MFHAS1: variants seen among roughly 807,000 people sequenced by gnomAD.
The protein encoded by MFHAS1 is malignant fibrous histiocytoma-amplified sequence 1.
Under a neutral mutation model 70.4 loss-of-function variants are expected in MFHAS1, and 50 were observed. The observed-to-expected ratio is 0.71, with a 90% CI of 0.57 to 0.90. The LOEUF is 0.90. MFHAS1 is among the 40% of genes least tolerant of loss of function. The probability of loss-of-function intolerance (pLI) is 0.00; values close to 1 mark genes in which losing one functional copy is unlikely to be tolerated. For synonymous variants in MFHAS1, 952 were observed against 620.0 expected (o/e 1.54, Z -7.96); for missense variants, 1,795 against 1,347.6 (o/e 1.33, Z -5.20).
In MFHAS1 at chr8:8,888,021, T is replaced by C. The variant is rs2116943496; in HGVS notation, c.2998+2040A>G. Among the ~76,000 whole-genome samples, 3 of 152,360 alleles carry C rather than the reference T, an allele frequency of 2.0e-5. No homozygotes were observed. In the South Asian group the frequency reaches 6.2e-4, roughly 32 times the overall value. ...GCTTCAGGTTGCTCCTTCAGTAAAC[T>C]ACCCTGTAAATGCGTAACTCCCAGT... On this transcript the variant is annotated intron_variant, in intron 1 of 2. Transcript: ENST00000276282.
intron 1 of MFHAS1, among the ~76,000 whole-genome samples, chr8:8,889,379 T>G (rs951424013): frequency 3.3e-4 from 50 of 152,378 alleles, no homozygotes; most frequent in African/African-American, 1.2e-3. Flanking sequence ...CTGAAATTTC[T>G]GTCTTTACTC....
chr8:8,828,311 T>G (rs1035533294), intron 1 of MFHAS1, among the ~76,000 whole-genome samples: 1 of 152,224 alleles, frequency 6.6e-6, no homozygotes, highest in Admixed American at 6.5e-5. Context: ...TAGTTTGAAC[T>G]TACACTTAGG....
At chr8:8,874,644 TAA>T (rs1462056240) in intron 1 of MFHAS1, among the ~76,000 whole-genome samples, 1 of 152,128 alleles carries the variant, frequency 6.6e-6, no homozygotes, top group Non-Finnish European at 1.5e-5. Context: ...TATTTTCAGT[TAA>T]AGTTATAAGG....
chr8:8,807,729 A>G (rs1806379588), intron 1 of MFHAS1, among the ~76,000 whole-genome samples: 1 of 152,214 alleles, frequency 6.6e-6, no homozygotes, highest in Non-Finnish European at 1.5e-5. Flanking sequence ...AATTCAAGGA[A>G]GTAAATTAAT....
At chr8:8,814,051 C>T (rs2117289015) in intron 1 of MFHAS1, among the ~76,000 whole-genome samples, 1 of 151,300 alleles carries the variant, frequency 6.6e-6, no homozygotes, top group South Asian at 2.1e-4. Flanking sequence ...GATTCTTGTT[C>T]CCCAGCCTCC....
chr8:8,854,684 CA>C (rs34792841), intron 1 of MFHAS1, among the ~76,000 whole-genome samples: 34,343 of 139,728 alleles, frequency 0.25, 4,282 homozygotes, highest in African/African-American at 0.37. Flanking sequence ...GACTTTGTCT[CA>C]AAAAAAAAAA....
chr8:8,802,872 A>C (rs1195435452), intron 1 of MFHAS1, among the ~76,000 whole-genome samples: 1 of 152,196 alleles, frequency 6.6e-6, no homozygotes, highest in Non-Finnish European at 1.5e-5. Context: ...CGGGATGCTG[A>C]ATTCATGGGG....
At chr8:8,826,275 T>TGTGTGTCG (rs1289247676) in intron 1 of MFHAS1, among the ~76,000 whole-genome samples, 1 of 151,586 alleles carries the variant, frequency 6.6e-6, no homozygotes, top group African/African-American at 2.4e-5. Flanking sequence ...TGTGTGTGTG[T>TGTGTGTCG]GTCGCACACT....
At chr8:8,839,781 G>C (rs759004503) in intron 1 of MFHAS1, among the ~76,000 whole-genome samples, 11 of 152,092 alleles carry the variant, frequency 7.2e-5, no homozygotes, top group Admixed American at 5.9e-4. Flanking sequence ...AGCCCAAAGA[G>C]TAACGGTCAC....
rs189823743 is a variant in MFHAS1, at chr8:8,815,029, C to A, written c.2999-17538G>T. On this transcript the variant is annotated intron_variant, in intron 1 of 2. Transcript: ENST00000276282. ...ATGCCCTCCCTTTCTCACCGCCCCC[C>A]ACACAGGCCCCAGTGTGTGTTGTTT... Among the ~76,000 whole-genome samples, 561 of 152,148 alleles carry A rather than the reference C, an allele frequency of 3.7e-3. 3 individuals carry two copies. The highest frequency in any genetic ancestry group is 0.013 in the African/African-American group (534 of 41,496).
intron 1 of MFHAS1, among the ~76,000 whole-genome samples, chr8:8,889,068 C>T (rs928020807): frequency 2.0e-5 from 3 of 150,854 alleles, no homozygotes; most frequent in Admixed American, 2.0e-4. Flanking sequence ...ACAACTAGTC[C>T]TGGAATTCTT....
rs369648498 is a variant in MFHAS1 at position 8,890,299 on chromosome 8, T to C, written c.2760A>G (p.Arg920=). The change falls in exon 1 of 3, where the codon AGA becomes AGG. Residue 920 remains arginine, a synonymous_variant. Coordinates refer to ENST00000276282, the MANE Select transcript of MFHAS1 (RefSeq NM_004225.3). ...SDGKFQIFAY[R]GKVPVVVSYR... ...AACTCACAACCACAGGAACTTTCCC[T>C]CTATAGGCAAAGATCTGAAATTTAC... 1.9e-6 allele frequency: 3 copies of C among 1,614,070 alleles called. No homozygotes were observed. The African/African-American group carries it at 4.0e-5, about 22-fold the overall frequency.
At chr8:8,823,490 GA>G in intron 1 of MFHAS1, among the ~76,000 whole-genome samples, 1 of 152,176 alleles carries the variant, frequency 6.6e-6, no homozygotes, top group East Asian at 1.9e-4. Flanking sequence ...GGAAGAGACT[GA>G]ACTGGTTTAT....
intron 1 of MFHAS1, among the ~76,000 whole-genome samples, chr8:8,867,207 G>T (rs1291629344): frequency 1.1e-4 from 17 of 152,084 alleles, no homozygotes; most frequent in Admixed American, 1.1e-3. Flanking sequence ...ACAGGCTGTG[G>T]GGTTTTATGA....
At position 8,892,845 on chromosome 8, in the gene MFHAS1, T is replaced by G; in HGVS notation, c.214A>C (p.Asn72His). Residue 72 changes from asparagine to histidine, a missense_variant, in exon 1 of 3, where the codon AAC becomes CAC. Coordinates refer to ENST00000276282, the MANE Select transcript of MFHAS1 (RefSeq NM_004225.3). The surrounding 1 kb of genome is among the most constrained non-coding windows in gnomAD (Gnocchi z 4.7). ...TCGGGTACCTCCTCCAGGCCGTTGT[T>G]CCCCAGGTTCAGTGCCTCAATGTCC... Reference protein sequence around the residue: ...LGDIEALNLGNNGLEEVPEGL... With the variant: ...LGDIEALNLGHNGLEEVPEGL... 1 of 1,597,176 alleles carries G rather than the reference T, an allele frequency of 6.3e-7. No individual in the cohort carries two copies. The highest frequency in any genetic ancestry group is 8.5e-7 in the Non-Finnish European group (1 of 1,172,530).
At chr8:8,816,440 G>A (rs1000626098) in intron 1 of MFHAS1, among the ~76,000 whole-genome samples, 1 of 152,164 alleles carries the variant, frequency 6.6e-6, no homozygotes, top group East Asian at 1.9e-4. Flanking sequence ...CAGATTCTGA[G>A]CGGGACAAAT....
chr8:8,853,720 C>T (rs1422751732), intron 1 of MFHAS1, among the ~76,000 whole-genome samples: 1 of 152,154 alleles, frequency 6.6e-6, no homozygotes, highest in Non-Finnish European at 1.5e-5. Flanking sequence ...CTATGCGCCA[C>T]CACTCCTGGC....
At chr8:8,884,074 AC>A (rs1434630161) in intron 1 of MFHAS1, among the ~76,000 whole-genome samples, 11 of 148,480 alleles carry the variant, frequency 7.4e-5, no homozygotes, top group African/African-American at 2.8e-4. Context: ...ACACACACAC[AC>A]ACACACAAAA....
chr8:8,833,906 A>G (rs1007064776), intron 1 of MFHAS1, among the ~76,000 whole-genome samples: 2 of 152,162 alleles, frequency 1.3e-5, no homozygotes, highest in African/African-American at 4.8e-5. Context: ...TGGGCGGATC[A>G]CCTGAGGACA....
Sources: allele counts gnomAD v4.1 joint callset (sites outside exome capture counted in the v4.1 genomes callset), GRCh38; gene constraint gnomAD v4.1.1; non-coding constraint Gnocchi (gnomAD v3.1); transcripts MANE v1.5; gene names NCBI Gene and HGNC (gene_info 2026-07-23, HGNC 2026-07-21).